The following POC1A variants were observed in gnomAD, a reference collection of about 807,000 sequenced individuals.
POC1A encodes the protein POC1 centriolar protein A.
A neutral mutation model predicts 47.8 loss-of-function variants in POC1A; 34 were observed. That is an observed-to-expected ratio of 0.71 (90% CI 0.54 to 0.95). The LOEUF (loss-of-function observed/expected upper bound fraction) is 0.95. Ranked by LOEUF, POC1A falls within the 40% of genes least tolerant of loss-of-function variation. POC1A has a pLI of 0.00. For missense variants in POC1A, 466 were observed against 528.3 expected (o/e 0.88, Z 1.16); for synonymous variants, 177 against 207.6 (o/e 0.85, Z 1.27).
chr3:52,124,920 C>T (rs956264154), intron 8 of POC1A, among the ~76,000 whole-genome samples, 193 bp downstream of exon 8: 13 of 152,190 alleles, frequency 8.5e-5, no homozygotes, highest in African/African-American at 2.7e-4. Flanking sequence ...CTGCAGGAGG[C>T]CCATTCTGGA....
chr3:52,154,380 C>T lies in POC1A; in HGVS notation c.-8G>A, dbSNP rs771223903. ...CGCGCAGGGCGCAGCCATGGCGGGG[C>T]TGGCGGCGCCGAAGGCAGCTGCGGT... On this transcript the variant is annotated 5_prime_UTR_variant, in exon 1 of 11. Transcript: ENST00000296484. 1 of 1,480,848 alleles carries T rather than the reference C, an allele frequency of 6.8e-7. No homozygotes were observed. Among genetic ancestry groups the T allele is most frequent in the South Asian group, 1.3e-5 (1 of 77,872 alleles). 91.7% of individuals were successfully genotyped at this position (1,480,848 alleles called of 1,614,324 possible).
intron 10 of POC1A, among the ~76,000 whole-genome samples, chr3:52,081,373 C>A (rs963259215): frequency 6.6e-6 from 1 of 152,226 alleles, no homozygotes; most frequent in Non-Finnish European, 1.5e-5. Flanking sequence ...TCACAAAGCA[C>A]CTCCCCAACG....
intron 6 of POC1A, among the ~76,000 whole-genome samples, chr3:52,142,112 T>C (rs1698217343): frequency 6.6e-6 from 1 of 152,216 alleles, no homozygotes; most frequent in Non-Finnish European, 1.5e-5. Context: ...TGTGTGACTG[T>C]GGGCTGCATG....
chr3:52,119,348 G>C (rs1355589477), intron 9 of POC1A, among the ~76,000 whole-genome samples: 1 of 151,966 alleles, frequency 6.6e-6, no homozygotes, highest in East Asian at 1.9e-4. Flanking sequence ...TTCTAAGCTG[G>C]GGACAATTCT....
intron 7 of POC1A, among the ~76,000 whole-genome samples, chr3:52,134,139 C>T (rs936347201): frequency 2.0e-5 from 3 of 151,992 alleles, no homozygotes; most frequent in Non-Finnish European, 2.9e-5. Context: ...GAGTGACATC[C>T]GTGGGAGTTA....
intron 4 of POC1A, 88 bp downstream of exon 4, chr3:52,149,122 G>T: frequency 9.0e-7 from 1 of 1,108,322 alleles, no homozygotes; most frequent in Non-Finnish European, 1.4e-6. Flanking sequence ...TAACTTGCCC[G>T]AGGTCATAAG....
intron 7 of POC1A, 35 bp downstream of exon 7, chr3:52,138,134 T>C (rs746249844): frequency 1.2e-6 from 2 of 1,612,656 alleles, no homozygotes; most frequent in Non-Finnish European, 1.7e-6. Flanking sequence ...GTACCACCAC[T>C]CCACACCACT....
Position 52,145,886 on chromosome 3 carries a change from C to T in POC1A, c.639G>A (p.Val213=), listed in dbSNP as rs1698346507. ...AAAGMDNTVK[V]WDVRTHRLLQ... is the part of the protein sequence containing the mutation. Reference sequence around the variant, plus strand: ...GCAGCCGGTGAGTCCGCACGTCCCACACCTTCACTGTGTTGTCCATGCCGG... The same window carrying T: ...GCAGCCGGTGAGTCCGCACGTCCCATACCTTCACTGTGTTGTCCATGCCGG... Residue 213 remains valine, a synonymous_variant, in exon 6 of 11, where the codon GTG becomes GTA. Coordinates refer to ENST00000296484, the MANE Select transcript of POC1A (RefSeq NM_015426.5). 1 of 1,613,974 alleles carries T rather than the reference C, an allele frequency of 6.2e-7. No individual in the cohort carries two copies. The highest frequency in any genetic ancestry group is 1.1e-5 in the South Asian group (1 of 91,084).
chr3:52,103,188 A>G (rs921154294), intron 9 of POC1A, among the ~76,000 whole-genome samples: 1 of 152,274 alleles, frequency 6.6e-6, no homozygotes, highest in Non-Finnish European at 1.5e-5. Flanking sequence ...CTTGCACCAC[A>G]TACAGAAACT....
At chr3:52,109,155 C>T (rs1017270131) in intron 9 of POC1A, among the ~76,000 whole-genome samples, 1 of 152,172 alleles carries the variant, frequency 6.6e-6, no homozygotes, top group Admixed American at 6.5e-5. Context: ...TTTCCGCATC[C>T]TTATTTGAAC....
chr3:52,151,542 C>A (rs537723101), intron 1 of POC1A, among the ~76,000 whole-genome samples: 1 of 146,624 alleles, frequency 6.8e-6, no homozygotes, highest in Non-Finnish European at 1.5e-5. Context: ...ACCCAGGAGG[C>A]GGAGCTTGCA....
chr3:52,111,227 C>T (rs888517747), intron 9 of POC1A, among the ~76,000 whole-genome samples: 1 of 152,194 alleles, frequency 6.6e-6, no homozygotes, highest in Admixed American at 6.5e-5. Flanking sequence ...ACAGGAAACA[C>T]CATTAGCCCC....
rs1702601601 is a variant in POC1A at position 52,090,303 on chromosome 3, T to C, written c.1125+6266A>G. 6.6e-6 allele frequency among the ~76,000 whole-genome samples: 1 copy of C among 152,212 alleles called. No homozygotes were observed. Among genetic ancestry groups the C allele is most frequent in the Non-Finnish European group, 1.5e-5 (1 of 68,034 alleles). Reference sequence around the variant, plus strand: ...GGAGCAGGAATTTCATGGCTCGGTATTTTTAAAAAGCAGCAAGACGTGAAA... The same window carrying C: ...GGAGCAGGAATTTCATGGCTCGGTACTTTTAAAAAGCAGCAAGACGTGAAA... On this transcript the variant is annotated intron_variant, in intron 10 of 10. Coordinates refer to ENST00000296484, the MANE Select transcript of POC1A (RefSeq NM_015426.5). This position sits in a 1 kb window ranked among gnomAD's most constrained non-coding sequence, Gnocchi z 4.2.
In POC1A at chr3:52,116,417, G is replaced by C. The variant is rs112423433; in HGVS notation, c.981+5962C>G. ...AACTGACCCAGCTCCCTCTTCCAGAGGACAGTTCAAGCACTGAGGCTCTGG... is the reference window on the plus strand; with the variant it reads ...AACTGACCCAGCTCCCTCTTCCAGACGACAGTTCAAGCACTGAGGCTCTGG... On this transcript the variant is annotated intron_variant, in intron 9 of 10. Transcript: ENST00000296484. Among the ~76,000 whole-genome samples, 1,311 of 152,286 alleles carry C rather than the reference G, an allele frequency of 8.6e-3. 23 individuals carry two copies. The highest frequency in any genetic ancestry group is 0.03 in the African/African-American group (1,260 of 41,540).
intron 10 of POC1A, among the ~76,000 whole-genome samples, chr3:52,091,581 C>T (rs1046648895): frequency 1.3e-5 from 2 of 152,158 alleles, no homozygotes; most frequent in Admixed American, 6.5e-5. Flanking sequence ...TCCTCCTTCC[C>T]GGGGTTGGGG....
At chr3:52,127,697 A>G (rs1362778520) in intron 7 of POC1A, among the ~76,000 whole-genome samples, 2 of 147,176 alleles carry the variant, frequency 1.4e-5, no homozygotes, top group African/African-American at 5.0e-5. Flanking sequence ...CCAGTCACAA[A>G]CCTTTTTTTT....
chr3:52,085,411 C>T lies in POC1A; in HGVS notation c.1126-9426G>A, dbSNP rs564532692. Among the ~76,000 whole-genome samples the T allele has an allele frequency of 1.2e-4, 18 of 152,348 alleles. No homozygotes were observed. The South Asian group carries it at 3.3e-3, about 28-fold the overall frequency. The stretch of plus-strand genomic sequence containing the variant: ...ACCCTCTGCCTCCTCACTGCTTCTC[C>T]GTGCCCCTTTCCTATCCAAGAGCTC... On this transcript the variant is annotated intron_variant, in intron 10 of 10. Transcript: ENST00000296484.
chr3:52,099,866 G>C (rs1371990540), intron 9 of POC1A, among the ~76,000 whole-genome samples: 1 of 152,092 alleles, frequency 6.6e-6, no homozygotes, highest in African/African-American at 2.4e-5. Context: ...AAAAAGTAAT[G>C]CTCACTAAAA....
intron 9 of POC1A, among the ~76,000 whole-genome samples, chr3:52,106,143 C>T (rs935399171): frequency 1.4e-5 from 2 of 144,234 alleles, no homozygotes; most frequent in South Asian, 2.2e-4. Context: ...TGCAGTGAGC[C>T]GAGATCGCGC....
Sources: gnomAD v4.1 joint callset for allele counts (sites outside exome capture counted in the v4.1 genomes callset) on GRCh38, gnomAD v4.1.1 for gene constraint, Gnocchi (gnomAD v3.1) non-coding constraint, MANE v1.5 for transcripts, NCBI Gene and HGNC (gene_info 2026-07-23, HGNC 2026-07-21) for gene names.